The following POTEC variants were observed in gnomAD, a reference collection of about 807,000 sequenced individuals.
POTEC encodes the protein ANKRD26-like family B member 2.
In POTEC, 35 loss-of-function variants were observed where a neutral mutation model predicts 62.0. The observed-to-expected ratio is 0.56, with a 90% CI of 0.43 to 0.75. POTEC has a LOEUF of 0.75. POTEC is among the 30% of genes least tolerant of loss of function. POTEC has a pLI of 0.00. For synonymous variants in POTEC, 156 were observed against 221.5 expected, an observed-to-expected ratio of 0.70 and a Z score of 2.62; for missense variants, 472 against 655.9, an observed-to-expected ratio of 0.72 and a Z score of 3.06.
intron 7 of POTEC, among the ~76,000 whole-genome samples, chr18:14,524,585 A>C (rs923029414): frequency 5.3e-5 from 8 of 152,254 alleles, no homozygotes; most frequent in Middle Eastern, 3.4e-3. Context: ...CTATTCCAAA[A>C]GGAAAGATTA....
At chr18:14,531,615 G>C (rs1002222396) in intron 5 of POTEC, 114 of 151,872 alleles carry the variant, frequency 7.5e-4, no homozygotes, top group Middle Eastern at 3.4e-3. Flanking sequence ...ATTTTGCTTT[G>C]ATTCACACTG....
At chr18:14,531,481 T>C (rs1905515142) in intron 5 of POTEC, among the ~76,000 whole-genome samples, 2 of 152,184 alleles carry the variant, frequency 1.3e-5, no homozygotes, top group African/African-American at 4.8e-5. Context: ...TCTCTAATTT[T>C]TGACATACAT....
intron 3 of POTEC, among the ~76,000 whole-genome samples, chr18:14,536,931 G>A (rs1452053565): frequency 6.6e-6 from 1 of 151,662 alleles, no homozygotes; most frequent in Non-Finnish European, 1.5e-5. Context: ...ACTCTAATTG[G>A]CCATTTCTAC....
Position 14,511,076 on chromosome 18 carries a change from C to A in POTEC, c.*822G>T, listed in dbSNP as rs890688678. On this transcript the variant is annotated 3_prime_UTR_variant, in exon 11 of 11. Coordinates refer to ENST00000358970, the MANE Select transcript of POTEC (RefSeq NM_001137671.2). ...GTTCTGTGCTGAGGTACCACTTCCA[C>A]CCCTGGTCAGCTTGGGCTCTCCAAA... 1.3e-4 allele frequency: 19 copies of A among 151,942 alleles called. No homozygotes were observed. Among genetic ancestry groups the A allele is most frequent in the Non-Finnish European group, 1.5e-5 (1 of 68,030 alleles). 9.4% of individuals were successfully genotyped at this position (151,942 alleles called of 1,614,324 possible). A position where few individuals can be genotyped will look rare whatever the true frequency, so the allele number is the denominator to read the frequency against.
chr18:14,538,094 A>G (rs779721593), intron 2 of POTEC, 41 bp downstream of exon 2: 2 of 1,477,434 alleles, frequency 1.4e-6, no homozygotes, highest in Non-Finnish European at 1.8e-6. Context: ...ATCTATTGAA[A>G]TCAAACCCAT....
Position 14,522,531 on chromosome 18 carries a change from A to G in POTEC, c.1243-111T>C, listed in dbSNP as rs542012177. Reference sequence around the variant, plus strand: ...TTTGCCATTATTTTAGTCATTAAAAATATCTCACACTTAAATTTGATCATA... The same window carrying G: ...TTTGCCATTATTTTAGTCATTAAAAGTATCTCACACTTAAATTTGATCATA... On this transcript the variant is annotated intron_variant, in intron 8 of 10. Coordinates refer to ENST00000358970, the MANE Select transcript of POTEC (RefSeq NM_001137671.2). 12 of 1,520,550 alleles carry G rather than the reference A, an allele frequency of 7.9e-6. No individual in the cohort carries two copies. In the African/African-American group the frequency reaches 1.3e-4, roughly 16 times the overall value. The allele number at this position is 1,520,550 out of a possible 1,614,324, so 94.2% of individuals were successfully genotyped here.
intron 9 of POTEC, among the ~76,000 whole-genome samples, chr18:14,517,060 A>C (rs1910185240): frequency 6.7e-6 from 1 of 150,016 alleles, no homozygotes; most frequent in Non-Finnish European, 1.5e-5. Context: ...ATTAATTTTA[A>C]GGAATAAATT....
intron 9 of POTEC, among the ~76,000 whole-genome samples, chr18:14,514,474 T>C (rs1910097181): frequency 6.6e-6 from 1 of 152,204 alleles, no homozygotes; most frequent in African/African-American, 2.4e-5. Context: ...ACTTTTTATG[T>C]TTATTTTTTG....
rs1032697681 is a variant in POTEC at position 14,515,007 on chromosome 18, T to A, written c.1410-1222A>T. Reference sequence around the variant, plus strand: ...GAATATACTTAATGAAGGAGGTGAGTCATCTATCAAAGGATAACTGGAAAA... The same window carrying A: ...GAATATACTTAATGAAGGAGGTGAGACATCTATCAAAGGATAACTGGAAAA... On this transcript the variant is annotated intron_variant, in intron 9 of 10. Coordinates refer to ENST00000358970, the MANE Select transcript of POTEC (RefSeq NM_001137671.2). 3.0e-4 allele frequency among the ~76,000 whole-genome samples: 46 copies of A among 152,210 alleles called. 1 individual carries two copies. The Middle Eastern group carries it at 0.01, about 34-fold the overall frequency.
chr18:14,543,469 G>A lies in POTEC; in HGVS notation c.-323C>T, dbSNP rs1906036501. On this transcript the variant is annotated 5_prime_UTR_variant, in exon 1 of 11. Transcript: ENST00000358970. The stretch of plus-strand genomic sequence containing the variant: ...AAAAAGTCAAGCCCAGCAAAGGAAT[G>A]CGAGGGAGGAAACGCCAATCCAAGC... 7.8e-6 allele frequency: 4 copies of A among 510,096 alleles called. No homozygotes were observed. The highest frequency in any genetic ancestry group is 7.3e-5 in the Admixed American group (2 of 27,434). 31.6% of individuals were successfully genotyped at this position (510,096 alleles called of 1,614,324 possible).
In POTEC at chr18:14,542,874, C is replaced by T; in HGVS notation, c.273G>A (p.Met91Ile). The change falls in exon 1 of 11, where the codon ATG becomes ATA. Residue 91 changes from methionine to isoleucine, a missense_variant. Physicochemically the swap from Met to Ile is conservative, Grantham distance 10 (BLOSUM62 1). Coordinates refer to ENST00000358970, the MANE Select transcript of POTEC (RefSeq NM_001137671.2). ...TGCCCATCTTGCTCCTGAGCGTCTT[C>T]ATAAAGGAGTTGTCATGGTCTCCAG... is the stretch of plus-strand genomic sequence containing the variant. Reference protein sequence around the residue: ...GTSGDHDNSFMKTLRSKMGKW... With the variant: ...GTSGDHDNSFIKTLRSKMGKW... The T allele has an allele frequency of 7.7e-7, 1 of 1,303,888 alleles. No individual in the cohort carries two copies. The highest frequency in any genetic ancestry group is 1.4e-5 in the South Asian group (1 of 72,498). 80.8% of individuals were successfully genotyped at this position (1,303,888 alleles called of 1,614,324 possible).
At chr18:14,516,676 A>G (rs1421256187) in intron 9 of POTEC, among the ~76,000 whole-genome samples, 3 of 146,436 alleles carry the variant, frequency 2.0e-5, no homozygotes, top group Non-Finnish European at 4.5e-5. Flanking sequence ...GGGGGGGTGT[A>G]TCCTTACTTT....
At chr18:14,541,447 CA>C (rs944182907) in intron 1 of POTEC, among the ~76,000 whole-genome samples, 1 of 152,072 alleles carries the variant, frequency 6.6e-6, no homozygotes, top group Non-Finnish European at 1.5e-5. Flanking sequence ...AGTTCAAGAC[CA>C]GCCTGGCAAA....
chr18:14,517,531 A>C (rs1370787683), intron 9 of POTEC, among the ~76,000 whole-genome samples: 2 of 147,532 alleles, frequency 1.4e-5, no homozygotes, highest in Non-Finnish European at 3.0e-5. Flanking sequence ...TTTCAAGTCC[A>C]TTAAATGTGC....
At chr18:14,528,591 A>T (rs1910499500) in intron 6 of POTEC, among the ~76,000 whole-genome samples, 1 of 152,014 alleles carries the variant, frequency 6.6e-6, no homozygotes, top group Non-Finnish European at 1.5e-5. Flanking sequence ...GCTGCGGATT[A>T]GCCAACCATG....
rs1429382265 is a variant in POTEC at position 14,508,505 on chromosome 18, TCACA to T, written c.*3389_*3392del. The T allele has an allele frequency of 6.6e-6, 1 of 152,648 alleles. No individual in the cohort carries two copies. Among genetic ancestry groups the T allele is most frequent in the Non-Finnish European group, 1.5e-5 (1 of 68,036 alleles). 9.5% of individuals were successfully genotyped at this position (152,648 alleles called of 1,614,324 possible). On this transcript the variant is annotated 3_prime_UTR_variant, in exon 11 of 11. Coordinates refer to ENST00000358970, the MANE Select transcript of POTEC (RefSeq NM_001137671.2). ...TACTACAATAATATTCATAATGCAA[TCACA>T]CACAATCACCATGTGACTACATTAT...
At chr18:14,515,694 A>T (rs1417234758) in intron 9 of POTEC, among the ~76,000 whole-genome samples, 2 of 151,834 alleles carry the variant, frequency 1.3e-5, no homozygotes, top group Non-Finnish European at 2.9e-5. Context: ...TTAAACTAAA[A>T]AGCTTCAGCA....
In POTEC at chr18:14,516,704, ATTAT is replaced by A. The variant is rs1910171692; in HGVS notation, c.1410-2923_1410-2920del. Among the ~76,000 whole-genome samples, 6 of 150,758 alleles carry A rather than the reference ATTAT, an allele frequency of 4.0e-5. No homozygotes were observed. The South Asian group carries it at 1.3e-3, about 32-fold the overall frequency. Reference sequence around the variant, plus strand: ...CTTACTTTTAAAATATCAAAATGTCATTATTTATATTTCAAAGATAGCAATTTTT... The same window carrying A: ...CTTACTTTTAAAATATCAAAATGTCATTATATTTCAAAGATAGCAATTTTT... On this transcript the variant is annotated intron_variant, in intron 9 of 10. Transcript: ENST00000358970.
At position 14,542,713 on chromosome 18, in the gene POTEC, C is replaced by G; in HGVS notation, c.434G>C (p.Arg145Thr). 3 of 1,613,230 alleles carry G rather than the reference C, an allele frequency of 1.9e-6. No homozygotes were observed. The highest frequency in any genetic ancestry group is 2.5e-6 in the Non-Finnish European group (3 of 1,179,898). Residue 145 changes from arginine (R) to threonine (T), a missense_variant, in exon 1 of 11, where the codon AGA (arginine) becomes ACA (threonine). By Grantham distance (71) the Arg-to-Thr change is moderately conservative. Coordinates refer to ENST00000358970, the MANE Select transcript of POTEC (RefSeq NM_001137671.2). ...VRREDLDKLH[R>T]AAWWGKVPRK... ...GGGGACCTTACCCCACCAGGCAGCTCTGTGGAGCTTGTCCAGATCTTCTCG... is the reference window on the plus strand; with the variant it reads ...GGGGACCTTACCCCACCAGGCAGCTGTGTGGAGCTTGTCCAGATCTTCTCG...
Sources: allele counts gnomAD v4.1 joint callset (sites outside exome capture counted in the v4.1 genomes callset), GRCh38; gene constraint gnomAD v4.1.1; transcripts MANE v1.5; gene names NCBI Gene and HGNC (gene_info 2026-07-23, HGNC 2026-07-21).